DLGAP2: variants seen among roughly 807,000 people sequenced by gnomAD.
DLGAP2 encodes the protein DLG associated protein 2, also known as disks large-associated protein 2.
Under a neutral mutation model 100.3 loss-of-function variants are expected in DLGAP2, and 26 were observed. The observed-to-expected ratio is 0.26, with a 90% CI of 0.19 to 0.36. The LOEUF (loss-of-function observed/expected upper bound fraction) is 0.36, where lower values mean the gene tolerates loss of function less well. Among genes scored for constraint, DLGAP2 ranks in the 10% least tolerant of loss-of-function variants. The pLI, the probability that DLGAP2 is intolerant of heterozygous loss-of-function variation, is 1.00. For synonymous variants in DLGAP2, 886 were observed against 630.1 expected (o/e 1.41, Z -6.08); for missense variants, 1,858 against 1,453.2 (o/e 1.28, Z -4.53).
intron 1 of DLGAP2, among the ~76,000 whole-genome samples, chr8:864,189 G>C (rs763735318): frequency 6.6e-6 from 1 of 152,142 alleles, no homozygotes; most frequent in Non-Finnish European, 1.5e-5. Context: ...GGGACTAGGG[G>C]AGGTGGGAGG....
chr8:1,254,904 T>TCTCTCCTGCCCAGGTGCTGTGTGTGTGCC (rs1563042999), intron 2 of DLGAP2, among the ~76,000 whole-genome samples: 6 of 134,310 alleles, frequency 4.5e-5, no homozygotes, highest in African/African-American at 1.1e-4. Context: ...GTGTCTGTGC[T>TCTCTCCTGCCCAGGTGCTGTGTGTGTGCC]CTCTCCTGCC....
intron 3 of DLGAP2, chr8:1,297,375 T>A (rs1469954184): frequency 6.6e-6 from 1 of 152,414 alleles, no homozygotes; most frequent in Non-Finnish European, 1.5e-5. Context: ...AGAGCTTCAG[T>A]GAGAGCTTTA....
At chr8:1,585,655 C>T (rs913224526) in intron 6 of DLGAP2, among the ~76,000 whole-genome samples, 9 of 152,206 alleles carry the variant, frequency 5.9e-5, no homozygotes, top group African/African-American at 2.2e-4. Context: ...CACAGGGAGA[C>T]ATCCCTAGAG....
intron 2 of DLGAP2, among the ~76,000 whole-genome samples, chr8:1,050,985 T>TTTGTGGTGGG (rs1486894541): frequency 3.5e-5 from 1 of 28,174 alleles, no homozygotes. Context: ...TGGGGGTCAT[T>TTTGTGGTGGG]TCGTGGGTGG....
intron 2 of DLGAP2, among the ~76,000 whole-genome samples, chr8:1,191,197 A>C (rs1252998046): frequency 7.0e-6 from 1 of 142,502 alleles, no homozygotes; most frequent in Non-Finnish European, 1.5e-5. Context: ...TTTGAGACGG[A>C]ATCTCACTCT....
chr8:1,275,087 C>T (rs1482295664), intron 3 of DLGAP2, among the ~76,000 whole-genome samples: 1 of 152,114 alleles, frequency 6.6e-6, no homozygotes, highest in Admixed American at 6.6e-5. Flanking sequence ...AGAGAGGATC[C>T]CTGAGGACCT....
chr8:1,260,710 A>T (rs1414027827), intron 3 of DLGAP2, among the ~76,000 whole-genome samples: 1 of 152,202 alleles, frequency 6.6e-6, no homozygotes, highest in Non-Finnish European at 1.5e-5. Flanking sequence ...ATCTCCCCGG[A>T]GTCCTGGCTC....
At chr8:1,277,947 G>T (rs765341113) in intron 3 of DLGAP2, among the ~76,000 whole-genome samples, 2 of 152,176 alleles carry the variant, frequency 1.3e-5, no homozygotes, top group Non-Finnish European at 2.9e-5. Flanking sequence ...TTCTAGATTG[G>T]GTATTGGTAG....
intron 3 of DLGAP2, among the ~76,000 whole-genome samples, chr8:1,411,982 G>T (rs982796337): frequency 2.0e-5 from 3 of 152,196 alleles, no homozygotes; most frequent in Non-Finnish European, 2.9e-5. Flanking sequence ...ACAGGCAACA[G>T]CAAGGGCTCT....
At chr8:994,056 G>A (rs11775900) in intron 2 of DLGAP2, among the ~76,000 whole-genome samples, 2 of 152,176 alleles carry the variant, frequency 1.3e-5, no homozygotes, top group African/African-American at 2.4e-5. Context: ...GCGTTGCGTA[G>A]ACAGTACTAT....
At chr8:1,633,160 C>T (rs7014414) in intron 8 of DLGAP2, 114 bp downstream of exon 8, 257,227 of 971,908 alleles carry the variant, frequency 0.26, 41,573 homozygotes, top group African/African-American at 0.68. Context: ...CTCCTGACAT[C>T]TAGTAACGTT....
chr8:794,434 C>T (rs1795983484), intron 1 of DLGAP2, among the ~76,000 whole-genome samples: 1 of 152,162 alleles, frequency 6.6e-6, no homozygotes, highest in Non-Finnish European at 1.5e-5. Flanking sequence ...AACAGCAAAC[C>T]AGTCATTAGC....
At chr8:1,627,305 C>T (rs889092761) in intron 7 of DLGAP2, among the ~76,000 whole-genome samples, 6 of 152,176 alleles carry the variant, frequency 3.9e-5, no homozygotes, top group Non-Finnish European at 8.8e-5. Context: ...AGCCTGGTGT[C>T]GCTCACAGAG....
At chr8:1,180,546 G>T (rs1297361252) in intron 2 of DLGAP2, among the ~76,000 whole-genome samples, 1 of 147,604 alleles carries the variant, frequency 6.8e-6, no homozygotes, top group African/African-American at 2.7e-5. Context: ...TTTCACACAA[G>T]AACCAGTGCG....
chr8:981,338 C>T (rs1160667812), intron 2 of DLGAP2, among the ~76,000 whole-genome samples: 1 of 152,128 alleles, frequency 6.6e-6, no homozygotes, highest in East Asian at 1.9e-4. Context: ...GGGACTTTGG[C>T]TGTGTCCCAC....
At chr8:1,102,694 G>C (rs73670439) in intron 2 of DLGAP2, among the ~76,000 whole-genome samples, 1 of 152,114 alleles carries the variant, frequency 6.6e-6, no homozygotes, top group African/African-American at 2.4e-5. Context: ...CTGTGGCCTC[G>C]TGCGTGGGGG....
At chr8:1,454,564 G>C (rs973898997) in intron 3 of DLGAP2, among the ~76,000 whole-genome samples, 1 of 152,144 alleles carries the variant, frequency 6.6e-6, no homozygotes, top group Admixed American at 6.5e-5. Context: ...CGACCAATGT[G>C]AGTGTTCATT....
At chr8:1,182,572 G>T (rs550192582) in intron 2 of DLGAP2, among the ~76,000 whole-genome samples, 3 of 152,186 alleles carry the variant, frequency 2.0e-5, no homozygotes, top group Non-Finnish European at 4.4e-5. Context: ...TTTAGAGTTG[G>T]CACTTGTGGC....
At chr8:1,074,176 C>G (rs1359689808) in intron 2 of DLGAP2, among the ~76,000 whole-genome samples, 9 of 147,972 alleles carry the variant, frequency 6.1e-5, no homozygotes, top group Non-Finnish European at 5.9e-5. Flanking sequence ...TCAGGAGTCA[C>G]TGTAACAGAA....
Sources: allele counts gnomAD v4.1 joint callset (sites outside exome capture counted in the v4.1 genomes callset), GRCh38; gene constraint gnomAD v4.1.1; transcripts MANE v1.5; gene names NCBI Gene and HGNC (gene_info 2026-07-23, HGNC 2026-07-21).